The following RBFOX1 variants were observed in gnomAD, a reference collection of about 807,000 sequenced individuals.
The protein encoded by RBFOX1 is RNA binding fox-1 homolog 1, also known as RNA binding protein fox-1 homolog 1.
In RBFOX1, 8 loss-of-function variants were observed where a neutral mutation model predicts 57.7. The observed-to-expected ratio is 0.14, with a 90% CI of 0.08 to 0.25. The LOEUF is 0.25. Ranked by LOEUF, RBFOX1 falls within the 10% of genes least tolerant of loss-of-function variation. The pLI is 1.00. For missense variants in RBFOX1, 611 were observed against 548.5 expected, an observed-to-expected ratio of 1.11 and a Z score of -1.14; for synonymous variants, 326 against 222.4, an observed-to-expected ratio of 1.47 and a Z score of -4.15.
chr16:6,819,439 A>T (rs1162963881), intron 3 of RBFOX1, among the ~76,000 whole-genome samples: 1 of 152,148 alleles, frequency 6.6e-6, no homozygotes, highest in Non-Finnish European at 1.5e-5. Flanking sequence ...TAGGCCGGGC[A>T]TGGTGGCTGA....
intron 3 of RBFOX1, among the ~76,000 whole-genome samples, chr16:5,688,988 A>G (rs759965592): frequency 1.8e-4 from 28 of 152,200 alleles, no homozygotes; most frequent in Non-Finnish European, 3.2e-4. Flanking sequence ...ATGTGAACCC[A>G]TCTCTTCTCT....
chr16:7,087,762 C>T (rs2060211588), intron 4 of RBFOX1, among the ~76,000 whole-genome samples: 1 of 152,164 alleles, frequency 6.6e-6, no homozygotes, highest in Non-Finnish European at 1.5e-5. Flanking sequence ...CTACCCACTG[C>T]TTTCAGTTTT....
chr16:7,671,004 C>T (rs1235433953), intron 13 of RBFOX1, among the ~76,000 whole-genome samples: 1 of 152,142 alleles, frequency 6.6e-6, no homozygotes, highest in Non-Finnish European at 1.5e-5. Flanking sequence ...TCACAGTTCT[C>T]TAGTCTGAAA....
chr16:7,058,174 T>C (rs1023102398), intron 4 of RBFOX1, among the ~76,000 whole-genome samples: 3 of 152,098 alleles, frequency 2.0e-5, no homozygotes, highest in African/African-American at 4.8e-5. Flanking sequence ...TACTCACAGC[T>C]TTCAGGCGAA....
chr16:6,619,100 G>T (rs1424896545), intron 2 of RBFOX1, among the ~76,000 whole-genome samples: 1 of 151,974 alleles, frequency 6.6e-6, no homozygotes, highest in African/African-American at 2.4e-5. Flanking sequence ...CAATTAAAAT[G>T]ACTTCCAGAC....
chr16:7,628,018 C>T (rs1012414836), intron 10 of RBFOX1, among the ~76,000 whole-genome samples: 12 of 151,836 alleles, frequency 7.9e-5, no homozygotes, highest in East Asian at 3.9e-4. Flanking sequence ...TTCATTATGC[C>T]GTGCCAGAGG....
intron 3 of RBFOX1, among the ~76,000 whole-genome samples, chr16:5,723,180 A>G (rs1418317691): frequency 6.6e-6 from 1 of 152,162 alleles, no homozygotes; most frequent in Admixed American, 6.5e-5. Flanking sequence ...CATCTGTAAC[A>G]TGGGAGAATC....
chr16:6,060,936 C>A (rs759251152), intron 1 of RBFOX1, among the ~76,000 whole-genome samples: 1 of 152,220 alleles, frequency 6.6e-6, no homozygotes, highest in Non-Finnish European at 1.5e-5. Flanking sequence ...CACATGGACA[C>A]ACGGGGCTGC....
intron 3 of RBFOX1, among the ~76,000 whole-genome samples, chr16:5,693,175 C>A (rs62014453): frequency 0.58 from 87,810 of 151,970 alleles, 28,842 homozygotes; most frequent in Non-Finnish European, 0.75. Context: ...TTTCCCTTCC[C>A]TGAGATGATA....
chr16:6,426,994 G>A (rs1211921139), intron 2 of RBFOX1, among the ~76,000 whole-genome samples: 10 of 152,090 alleles, frequency 6.6e-5, no homozygotes, highest in African/African-American at 2.4e-4. Context: ...TTGAGTTTCT[G>A]TGATTCCAAT....
Position 6,908,176 on chromosome 16 carries a change from C to T in RBFOX1, c.-15-143881C>T, listed in dbSNP as rs1257422599. On this transcript the variant is annotated intron_variant, in intron 3 of 15. Transcript: ENST00000550418. ...AACAATCTACTTCTCTGCATCCCTA[C>T]ATCCGTGCAGTTCAGATTATTACCT... is the stretch of plus-strand genomic sequence containing the variant. 1.3e-5 allele frequency among the ~76,000 whole-genome samples: 2 copies of T among 151,750 alleles called. 1 individual carries two copies. The highest frequency in any genetic ancestry group is 3.0e-5 in the Non-Finnish European group (2 of 67,784).
chr16:5,416,861 T>C (rs916629018), intron 1 of RBFOX1, among the ~76,000 whole-genome samples: 1 of 152,180 alleles, frequency 6.6e-6, no homozygotes, highest in Non-Finnish European at 1.5e-5. Flanking sequence ...GTAGCGTTTG[T>C]TACTGCGGCA....
chr16:6,138,466 G>A (rs998263207), intron 1 of RBFOX1, among the ~76,000 whole-genome samples: 2 of 152,194 alleles, frequency 1.3e-5, no homozygotes, highest in South Asian at 2.1e-4. Flanking sequence ...GTAACATTCA[G>A]TTCCTTGCAG....
chr16:7,545,767 G>T (rs998241384), intron 5 of RBFOX1, among the ~76,000 whole-genome samples: 1 of 152,092 alleles, frequency 6.6e-6, no homozygotes, highest in Non-Finnish European at 1.5e-5. Flanking sequence ...GGTCCCAGGA[G>T]CTAGAAAACG....
chr16:6,950,874 T>C (rs1339088968), intron 3 of RBFOX1, among the ~76,000 whole-genome samples: 2 of 151,378 alleles, frequency 1.3e-5, no homozygotes, highest in African/African-American at 2.4e-5. Flanking sequence ...TGTCTCTCTT[T>C]CTCTCTTTCT....
Position 6,881,342 on chromosome 16 carries a change from G to T in RBFOX1, c.-15-170715G>T, listed in dbSNP as rs370584946. 6.6e-5 allele frequency among the ~76,000 whole-genome samples: 10 copies of T among 152,302 alleles called. 2 individuals are homozygous for T. The highest frequency in any genetic ancestry group is 1.9e-4 in the East Asian group (1 of 5,184). On this transcript the variant is annotated intron_variant, in intron 3 of 15. Transcript: ENST00000550418. ...TGGACTGCCATAACACAGTGCCACAGGTTGGGTGGCTAAAACAACAAACAG... is the reference window on the plus strand; with the variant it reads ...TGGACTGCCATAACACAGTGCCACATGTTGGGTGGCTAAAACAACAAACAG...
At chr16:5,329,831 C>T (rs1418317053) in intron 1 of RBFOX1, among the ~76,000 whole-genome samples, 1 of 152,108 alleles carries the variant, frequency 6.6e-6, no homozygotes, top group Non-Finnish European at 1.5e-5. Flanking sequence ...AACCCCGTCT[C>T]TACTAAAAAA....
intron 1 of RBFOX1, among the ~76,000 whole-genome samples, chr16:5,355,684 C>T (rs1410514729): frequency 6.6e-6 from 1 of 152,158 alleles, no homozygotes; most frequent in African/African-American, 2.4e-5. Context: ...CCCCTGGTAA[C>T]TGTGAATGTG....
intron 4 of RBFOX1, among the ~76,000 whole-genome samples, chr16:7,175,103 A>C (rs951349430): frequency 6.6e-6 from 1 of 151,766 alleles, no homozygotes; most frequent in Non-Finnish European, 1.5e-5. Flanking sequence ...TACATAGGTA[A>C]ATGTATGTCT....
Sources: gnomAD v4.1 joint callset for allele counts (sites outside exome capture counted in the v4.1 genomes callset) on GRCh38, gnomAD v4.1.1 for gene constraint, MANE v1.5 for transcripts, NCBI Gene and HGNC (gene_info 2026-07-23, HGNC 2026-07-21) for gene names.